The following MED12 variants were observed in gnomAD, a reference collection of about 807,000 sequenced individuals.
MED12 encodes mediator of RNA polymerase II transcription subunit 12.
In MED12, 10 loss-of-function variants were observed where a neutral mutation model predicts 177.7. That is an observed-to-expected ratio of 0.06 (90% CI 0.03 to 0.10). The LOEUF (loss-of-function observed/expected upper bound fraction) is 0.10, where lower values mean the gene tolerates loss of function less well. MED12 is among the 10% of genes least tolerant of loss of function. The probability of loss-of-function intolerance (pLI) is 1.00; values close to 1 mark genes in which losing one functional copy is unlikely to be tolerated. For missense variants in MED12, 867 were observed against 1,780.8 expected, an observed-to-expected ratio of 0.49 and a Z score of 9.23; for synonymous variants, 641 against 678.4, an observed-to-expected ratio of 0.94 and a Z score of 0.86.
In MED12 at chrX:71,119,736, C is replaced by G; in HGVS notation, c.255C>G (p.Thr85=). ...TTGCAGAGAAATTACGTTGTAATACCCTTCCTGACACTGGTCGCAGGAAGC... is the reference window on the plus strand; with the variant it reads ...TTGCAGAGAAATTACGTTGTAATACGCTTCCTGACACTGGTCGCAGGAAGC... ...SIIAEKLRCN[T]LPDTGRRKPQ... Residue 85 remains threonine, a synonymous_variant, in exon 3 of 45, where the codon ACC becomes ACG. Coordinates refer to ENST00000374080, the MANE Select transcript of MED12 (RefSeq NM_005120.3). 1 of 1,211,014 alleles carries G rather than the reference C, an allele frequency of 8.3e-7. No individual in the cohort carries two copies. Among genetic ancestry groups the G allele is most frequent in the Non-Finnish European group, 1.1e-6 (1 of 895,031 alleles).
rs761710386 is a variant in MED12, at chrX:71,129,038, A to G, written c.3476-76A>G. ...ATGCCCCTGCCATACACTTGCATGC[A>G]TGCAGGCACGCACACACATAAACCC... On this transcript the variant is annotated intron_variant, in intron 24 of 44. Coordinates refer to ENST00000374080, the MANE Select transcript of MED12 (RefSeq NM_005120.3). The G allele has an allele frequency of 1.3e-4, 101 of 792,536 alleles. No individual in the cohort carries two copies. In the South Asian group the frequency reaches 1.8e-3, roughly 14 times the overall value. 65.3% of individuals were successfully genotyped at this position (792,536 alleles called of 1,213,427 possible).
chrX:71,120,888 A>G lies in MED12; in HGVS notation c.554-83A>G, dbSNP rs4844282. ...CTCCCAAAGTGCTGGGATTACAGGCATGAGCCACCGCACCCAGCCAGTAGA... is the reference window on the plus strand; with the variant it reads ...CTCCCAAAGTGCTGGGATTACAGGCGTGAGCCACCGCACCCAGCCAGTAGA... On this transcript the variant is annotated intron_variant, in intron 4 of 44. Coordinates refer to ENST00000374080, the MANE Select transcript of MED12 (RefSeq NM_005120.3). The G allele has an allele frequency of 0.35, 393,129 of 1,128,019 alleles. 49,449 individuals carry two copies. Among genetic ancestry groups the G allele is most frequent in the Admixed American group, 0.5 (22,622 of 44,949 alleles). 93.0% of individuals were successfully genotyped at this position (1,128,019 alleles called of 1,213,427 possible).
Position 71,119,666 on chromosome X carries a change from G to A in MED12, c.205-20G>A, listed in dbSNP as rs780403920. Reference sequence around the variant, plus strand: ...GTCTGCCCCTTCTTCCCACCCTGAGGTACACTTTTCTTCCCTCAGATCAGT... The same window carrying A: ...GTCTGCCCCTTCTTCCCACCCTGAGATACACTTTTCTTCCCTCAGATCAGT... On this transcript the variant is annotated intron_variant, in intron 2 of 44. Transcript: ENST00000374080. 3 of 1,207,075 alleles carry A rather than the reference G, an allele frequency of 2.5e-6. No individual in the cohort carries two copies. The highest frequency in any genetic ancestry group is 2.3e-4 in the Middle Eastern group (1 of 4,361).
chrX:71,119,600 C>T (rs2092284482), intron 2 of MED12, 86 bp from the exon 3 acceptor site: 1 of 1,114,591 alleles, frequency 9.0e-7, no homozygotes, highest in East Asian at 3.0e-5. Context: ...TGACCTAATA[C>T]TATCTCATTG....
intron 41 of MED12, among the ~76,000 whole-genome samples, chrX:71,138,437 C>G (rs1000044957): frequency 3.6e-5 from 4 of 110,899 alleles, no homozygotes; most frequent in Admixed American, 9.6e-5. Context: ...GGTGATCCTC[C>G]TACCTCAGCC....
rs192018429 is a variant in MED12, at chrX:71,134,046, G to A, written c.4618-311G>A. Among the ~76,000 whole-genome samples, 4 of 109,334 alleles carry A rather than the reference G, an allele frequency of 3.7e-5. No homozygotes were observed. The East Asian group carries it at 1.2e-3, about 32-fold the overall frequency. The allele number at this position is 109,334 out of a possible 115,157, so 94.9% of individuals were successfully genotyped here. On this transcript the variant is annotated intron_variant, in intron 33 of 44. Coordinates refer to ENST00000374080, the MANE Select transcript of MED12 (RefSeq NM_005120.3). Reference sequence around the variant, plus strand: ...AGATCGAGACCATCCTGGTTAACACGATGAAACCCCGTCTCTACTAAAAAT... The same window carrying A: ...AGATCGAGACCATCCTGGTTAACACAATGAAACCCCGTCTCTACTAAAAAT...
chrX:71,126,202 T>C, intron 18 of MED12, 48 bp downstream of exon 18: 1 of 1,166,864 alleles, frequency 8.6e-7, no homozygotes, highest in South Asian at 1.8e-5. Flanking sequence ...CCTCCTGTTC[T>C]GTTTTCCTTT....
Position 71,124,343 on chromosome X carries a change from C to T in MED12, c.1929C>T (p.Asp643=), listed in dbSNP as rs758195942. Residue 643 remains aspartate (D), a synonymous_variant, in exon 13 of 45, where the codon GAC becomes GAT. Transcript: ENST00000374080. Reference sequence around the variant, plus strand: ...CTCCCTTTGATGATCCTGCCGATGACCCAGAGCACAAGGAGGCTGAAGGCA... The same window carrying T: ...CTCCCTTTGATGATCCTGCCGATGATCCAGAGCACAAGGAGGCTGAAGGCA... ...PPSPFDDPAD[D]PEHKEAEGSS... is the part of the protein sequence containing the mutation. The T allele has an allele frequency of 2.3e-5, 28 of 1,208,087 alleles. No homozygotes were observed. The highest frequency in any genetic ancestry group is 2.8e-5 in the Non-Finnish European group (25 of 894,172).
intron 4 of MED12, 113 bp downstream of exon 4, chrX:71,120,283 C>A (rs2092286122): frequency 2.3e-6 from 2 of 864,393 alleles, no homozygotes; most frequent in Admixed American, 2.3e-5. Flanking sequence ...TTGTTTCTTG[C>A]ATTTGTTTGA....
At position 71,126,336 on chromosome X, in the gene MED12, A is replaced by G. The variant is rs777247768; in HGVS notation, c.2542-5A>G. The G allele has an allele frequency of 7.4e-6, 9 of 1,211,200 alleles. No individual in the cohort carries two copies. The Admixed American group carries it at 1.3e-4, about 18-fold the overall frequency. ...CTCCCATCTCACTCCCACTGCCCTT[A>G]TCAGGTCTCCCGGAATGTTCTGGAG... On this transcript the variant is annotated splice_polypyrimidine_tract_variant and splice_region_variant and intron_variant, in intron 18 of 44. Coordinates refer to ENST00000374080, the MANE Select transcript of MED12 (RefSeq NM_005120.3).
In MED12 at chrX:71,140,987, G is replaced by A. The variant is rs41307353; in HGVS notation, c.6267+130G>A. The A allele has an allele frequency of 6.9e-4, 794 of 1,145,958 alleles. 1 individual carries two copies. Among genetic ancestry groups the A allele is most frequent in the Non-Finnish European group, 8.7e-4 (749 of 860,338 alleles). 94.4% of individuals were successfully genotyped at this position (1,145,958 alleles called of 1,213,427 possible). On this transcript the variant is annotated intron_variant, in intron 42 of 44. Coordinates refer to ENST00000374080, the MANE Select transcript of MED12 (RefSeq NM_005120.3). ...CACCTAGCAGAGCGGCTGGCCTCTA[G>A]TGGTGCTGGAGAAGTTTTCTACCCT... is the stretch of plus-strand genomic sequence containing the variant.
At position 71,142,288 on chromosome X, in the gene MED12, C is replaced by T; in HGVS notation, c.*70C>T. ...TTCCTCTTAATTCCCAATCCCATTC[C>T]TGGGCTAGCACCAGTAGTGGTTGGG... On this transcript the variant is annotated 3_prime_UTR_variant, in exon 45 of 45. Transcript: ENST00000374080. The T allele has an allele frequency of 9.2e-7, 1 of 1,091,761 alleles. No homozygotes were observed. Among genetic ancestry groups the T allele is most frequent in the Non-Finnish European group, 1.3e-6 (1 of 786,191 alleles). The allele number at this position is 1,091,761 out of a possible 1,213,427, so 90.0% of individuals were successfully genotyped here.
Position 71,127,981 on chromosome X carries a change from G to A in MED12, c.3070G>A (p.Asp1024Asn), listed in dbSNP as rs1469572055. ...NMRWAPEFMI[D>N]TLENPAAHTF... ...GCGCTGGGCACCTGAGTTCATGATC[G>A]ACACTCTAGAGAACCCTGCAGCTCA... The change falls in exon 22 of 45, where the codon GAC becomes AAC. Residue 1024 changes from aspartate to asparagine, a missense_variant. Coordinates refer to ENST00000374080, the MANE Select transcript of MED12 (RefSeq NM_005120.3). 4.1e-6 allele frequency: 5 copies of A among 1,210,886 alleles called. No individual in the cohort carries two copies. Among genetic ancestry groups the A allele is most frequent in the African/African-American group, 1.7e-5 (1 of 57,691 alleles).
chrX:71,139,256 G>T (rs903646492), intron 41 of MED12, among the ~76,000 whole-genome samples: 5 of 111,830 alleles, frequency 4.5e-5, no homozygotes, highest in Non-Finnish European at 9.4e-5. Flanking sequence ...TCATGAAGGA[G>T]GTCAGACTTG....
chrX:71,133,067 G>A lies in MED12; in HGVS notation c.4528-56G>A, dbSNP rs909643262. The A allele has an allele frequency of 2.5e-4, 260 of 1,048,556 alleles. No homozygotes were observed. The East Asian group carries it at 7.6e-3, about 31-fold the overall frequency. The allele number at this position is 1,048,556 out of a possible 1,213,427, so 86.4% of individuals were successfully genotyped here. A position where few individuals can be genotyped will look rare whatever the true frequency, so the allele number is the denominator to read the frequency against. ...CTTTCTGATAAACATATTGGCTGCT[G>A]TGGGATGGAAACACGAAGATCCCTG... is the stretch of plus-strand genomic sequence containing the variant. On this transcript the variant is annotated intron_variant, in intron 32 of 44. Coordinates refer to ENST00000374080, the MANE Select transcript of MED12 (RefSeq NM_005120.3).
In MED12 at chrX:71,137,761, G is replaced by A. The variant is rs1191896226; in HGVS notation, c.5862G>A (p.Gln1954=). The A allele has an allele frequency of 3.3e-6, 4 of 1,211,296 alleles. No individual in the cohort carries two copies. The highest frequency in any genetic ancestry group is 4.5e-6 in the Non-Finnish European group (4 of 895,399). Residue 1954 remains glutamine (Q), a synonymous_variant, in exon 41 of 45, where the codon CAG becomes CAA. Coordinates refer to ENST00000374080, the MANE Select transcript of MED12 (RefSeq NM_005120.3). ...CTTATGTTTCTCATGTGGGATTGCA[G>A]CAACACACAGGCCCTGCAGGTACCA... ...YTPYVSHVGL[Q]QHTGPAGTMV...
At chrX:71,123,013 G>A in intron 10 of MED12, 82 bp from the exon 11 acceptor site, 2 of 1,178,421 alleles carry the variant, frequency 1.7e-6, no homozygotes, top group South Asian at 3.6e-5. Context: ...TTTTATGATA[G>A]AGCCCAGTCT....
At chrX:71,136,024 G>A (rs1178309871) in intron 36 of MED12, among the ~76,000 whole-genome samples, 4 of 60,722 alleles carry the variant, frequency 6.6e-5, no homozygotes, top group African/African-American at 2.8e-4. Flanking sequence ...CACGCCCCCC[G>A]CCCCGTTAGT....
At chrX:71,127,811 T>G in intron 21 of MED12, 82 bp from the exon 22 acceptor site, 1 of 718,598 alleles carries the variant, frequency 1.4e-6, no homozygotes, top group Non-Finnish European at 2.2e-6. Flanking sequence ...CTCCTTTTTT[T>G]CTTTTCTCCC....
Sources: allele counts gnomAD v4.1 joint callset (sites outside exome capture counted in the v4.1 genomes callset), GRCh38; gene constraint gnomAD v4.1.1; transcripts MANE v1.5; gene names NCBI Gene and HGNC (gene_info 2026-07-23, HGNC 2026-07-21).